CCDC175: variants seen among roughly 807,000 people sequenced by gnomAD.
The protein encoded by CCDC175 is coiled-coil domain containing 175, also known as coiled-coil domain-containing protein 175.
In CCDC175, 100 loss-of-function variants were observed where a neutral mutation model predicts 114.6. The observed-to-expected ratio is 0.87, with a 90% confidence interval of 0.74 to 1.03. The LOEUF is 1.03. CCDC175 is among the 50% of genes least tolerant of loss of function. The pLI is 0.00. For synonymous variants in CCDC175, 306 were observed against 308.7 expected, an observed-to-expected ratio of 0.99 and a Z score of 0.09; for missense variants, 880 against 917.8, an observed-to-expected ratio of 0.96 and a Z score of 0.53.
chr14:59,519,951 CCAGCAT>C (rs1451222217), intron 17 of CCDC175, among the ~76,000 whole-genome samples: 1 of 152,206 alleles, frequency 6.6e-6, no homozygotes, highest in Non-Finnish European at 1.5e-5. Flanking sequence ...CAGCTGAGGG[CCAGCAT>C]CAACTTCAGA....
chr14:59,516,182 A>G (rs1008894491), intron 17 of CCDC175, among the ~76,000 whole-genome samples: 7 of 152,238 alleles, frequency 4.6e-5, no homozygotes. Context: ...GTAGAGGGAA[A>G]ATTATAGCAC....
At chr14:59,568,715 A>G (rs1431754226) in intron 3 of CCDC175, among the ~76,000 whole-genome samples, 1 of 152,154 alleles carries the variant, frequency 6.6e-6, no homozygotes, top group Admixed American at 6.5e-5. Context: ...ACACCCATGC[A>G]TGTATAACCC....
intron 3 of CCDC175, 38 bp from the exon 4 acceptor site, chr14:59,568,418 G>A: frequency 1.4e-6 from 2 of 1,452,174 alleles, no homozygotes; most frequent in Non-Finnish European, 1.8e-6. Flanking sequence ...ATTATTTGAG[G>A]AAAAGCACAA....
chr14:59,551,649 G>A (rs1392488806), intron 7 of CCDC175, among the ~76,000 whole-genome samples: 1 of 152,192 alleles, frequency 6.6e-6, no homozygotes, highest in African/African-American at 2.4e-5. Context: ...CCCACTGAGC[G>A]AGAGCTGAAG....
At chr14:59,530,309 G>A (rs758673233) in intron 14 of CCDC175, among the ~76,000 whole-genome samples, 12 of 151,984 alleles carry the variant, frequency 7.9e-5, no homozygotes, top group South Asian at 2.1e-4. Flanking sequence ...GGAGGTTGCA[G>A]TGAGCAGAGA....
chr14:59,559,199 A>C (rs1896094418), intron 7 of CCDC175, among the ~76,000 whole-genome samples: 1 of 152,154 alleles, frequency 6.6e-6, no homozygotes, highest in Non-Finnish European at 1.5e-5. Flanking sequence ...TCATTTATAT[A>C]CAACATTTAA....
intron 7 of CCDC175, among the ~76,000 whole-genome samples, chr14:59,553,996 A>G (rs1895703015): frequency 1.3e-5 from 2 of 152,112 alleles, no homozygotes; most frequent in Admixed American, 6.5e-5. Context: ...AGAGACTTAG[A>G]CTCCCACACA....
At chr14:59,540,648 CTTT>C (rs34112354) in intron 11 of CCDC175, 24 bp downstream of exon 11, 9,682 of 1,084,958 alleles carry the variant, frequency 8.9e-3, no homozygotes, top group Middle Eastern at 0.012. Flanking sequence ...CACAAATAAA[CTTT>C]TTTTTTTTTT....
chr14:59,543,300 G>T, intron 10 of CCDC175, 44 bp downstream of exon 10: 1 of 662,096 alleles, frequency 1.5e-6, no homozygotes, highest in Non-Finnish European at 2.4e-6. Flanking sequence ...AAAAATAAAT[G>T]CAGAGAAAGT....
At chr14:59,514,709 CAG>C (rs1892966753) in intron 17 of CCDC175, among the ~76,000 whole-genome samples, 1 of 152,160 alleles carries the variant, frequency 6.6e-6, no homozygotes, top group Non-Finnish European at 1.5e-5. Flanking sequence ...CTGAAAGTGA[CAG>C]GGAGAATGGA....
chr14:59,564,647 T>C (rs1018529478), intron 5 of CCDC175, among the ~76,000 whole-genome samples: 3 of 151,960 alleles, frequency 2.0e-5, no homozygotes, highest in Non-Finnish European at 2.9e-5. Flanking sequence ...CTGCTCTCTC[T>C]GATTCATTTA....
chr14:59,558,816 T>A (rs1896066550), intron 7 of CCDC175, among the ~76,000 whole-genome samples: 1 of 152,052 alleles, frequency 6.6e-6, no homozygotes, highest in South Asian at 2.1e-4. Context: ...CGAGACTGAA[T>A]AAAATCACAT....
At chr14:59,512,456 G>A (rs1026472220) in intron 17 of CCDC175, among the ~76,000 whole-genome samples, 5 of 152,210 alleles carry the variant, frequency 3.3e-5, no homozygotes, top group East Asian at 1.9e-4. Context: ...GGAGTCACAC[G>A]TTGTTGGGGA....
chr14:59,507,975 C>G (rs1368782686), intron 19 of CCDC175, among the ~76,000 whole-genome samples: 2 of 152,094 alleles, frequency 1.3e-5, no homozygotes, highest in African/African-American at 4.8e-5. Context: ...TGCCTTGCCA[C>G]CAAAAGGTTT....
chr14:59,529,120 G>A (rs933595617), intron 14 of CCDC175, among the ~76,000 whole-genome samples: 1 of 152,126 alleles, frequency 6.6e-6, no homozygotes, highest in Non-Finnish European at 1.5e-5. Context: ...GGGGACCATC[G>A]AATGTCGGTG....
At chr14:59,573,638 G>A (rs547567502) in intron 2 of CCDC175, among the ~76,000 whole-genome samples, 1 of 145,682 alleles carries the variant, frequency 6.9e-6, no homozygotes, top group African/African-American at 2.5e-5. Context: ...TTTTTGAGAT[G>A]GAATCTCACT....
intron 7 of CCDC175, among the ~76,000 whole-genome samples, chr14:59,558,454 T>C (rs1408638505): frequency 2.6e-5 from 4 of 152,064 alleles, no homozygotes; most frequent in Non-Finnish European, 5.9e-5. Context: ...TGGTAAGAAA[T>C]AGATATATTC....
At chr14:59,570,053 G>A (rs774462897) in intron 3 of CCDC175, among the ~76,000 whole-genome samples, 25 of 152,116 alleles carry the variant, frequency 1.6e-4, no homozygotes, top group African/African-American at 5.1e-4. Context: ...CTCTCTGGGG[G>A]TGTTAGGGGT....
intron 17 of CCDC175, 23 bp from the exon 18 acceptor site, chr14:59,511,826 A>G (rs956388457): frequency 2.7e-6 from 4 of 1,467,548 alleles, no homozygotes; most frequent in African/African-American, 2.8e-5. Flanking sequence ...TTTAAAAAAT[A>G]CAATGGTTAC....
Sources: gnomAD v4.1 joint callset for allele counts (sites outside exome capture counted in the v4.1 genomes callset) on GRCh38, gnomAD v4.1.1 for gene constraint, MANE v1.5 for transcripts, NCBI Gene and HGNC (gene_info 2026-07-23, HGNC 2026-07-21) for gene names.